LUZP2: variants seen among roughly 807,000 people sequenced by gnomAD.
The protein encoded by LUZP2 is leucine zipper protein 2.
Under a neutral mutation model 51.6 loss-of-function variants are expected in LUZP2, and 52 were observed. The ratio of observed to expected loss-of-function variants is 1.01; its 90% CI spans 0.81 to 1.27. The LOEUF is 1.27. Among genes scored for constraint, LUZP2 ranks in the 50% most tolerant of loss-of-function variants. The pLI, the probability that LUZP2 is intolerant of heterozygous loss-of-function variation, is 0.00. For synonymous variants in LUZP2, 154 were observed against 137.3 expected (o/e 1.12, Z -0.85); for missense variants, 436 against 395.4 (o/e 1.10, Z -0.87).
intron 1 of LUZP2, among the ~76,000 whole-genome samples, chr11:24,501,042 A>C (rs991408464): frequency 2.0e-5 from 3 of 152,180 alleles, no homozygotes; most frequent in African/African-American, 7.2e-5. Context: ...GTCTCACCTT[A>C]ACTCTCCTGA....
intron 5 of LUZP2, among the ~76,000 whole-genome samples, chr11:24,811,836 A>G (rs1031699544): frequency 5.3e-5 from 8 of 152,186 alleles, no homozygotes; most frequent in African/African-American, 1.9e-4. Context: ...GTAAGTATAG[A>G]TAAAACAGAG....
At chr11:24,969,375 A>G (rs1002740862) in intron 7 of LUZP2, among the ~76,000 whole-genome samples, 14 of 152,186 alleles carry the variant, frequency 9.2e-5, no homozygotes, top group African/African-American at 3.1e-4. Context: ...TCTTCACATT[A>G]ACTGAAAATG....
chr11:24,955,205 T>C (rs879529212), intron 7 of LUZP2, among the ~76,000 whole-genome samples: 1 of 151,490 alleles, frequency 6.6e-6, no homozygotes, highest in Non-Finnish European at 1.5e-5. Flanking sequence ...TAGTGAGGAA[T>C]AAAAAAAAAT....
chr11:24,948,824 CATCTATCTATCT>C (rs67058181), intron 7 of LUZP2, among the ~76,000 whole-genome samples: 2,941 of 122,622 alleles, frequency 0.024, 30 homozygotes, highest in Admixed American at 0.033. Context: ...ATCTATCTAT[CATCTATCTATCT>C]ATCTATCTAT....
At chr11:24,957,551 C>T (rs959733579) in intron 7 of LUZP2, among the ~76,000 whole-genome samples, 5 of 152,042 alleles carry the variant, frequency 3.3e-5, no homozygotes, top group African/African-American at 7.2e-5. Context: ...CAACTCTCTG[C>T]TTTGAGTTTG....
Position 24,763,299 on chromosome 11 carries a change from C to G in LUZP2, c.387C>G (p.Leu129=), listed in dbSNP as rs745932863. 7.3e-7 allele frequency: 1 copy of G among 1,372,636 alleles called. No individual in the cohort carries two copies. Among genetic ancestry groups the G allele is most frequent in the East Asian group, 2.7e-5 (1 of 37,394 alleles). 85.0% of individuals were successfully genotyped at this position (1,372,636 alleles called of 1,614,324 possible). A position where few individuals can be genotyped will look rare whatever the true frequency, so the allele number is the denominator to read the frequency against. Residue 129 remains leucine (L), a synonymous_variant, in exon 5 of 12, where the codon CTC becomes CTG. Coordinates refer to ENST00000336930, the MANE Select transcript of LUZP2 (RefSeq NM_001009909.4). Reference sequence around the variant, plus strand: ...GAAAGAGCAAAATGATCCGAGACCTCCAGAATGAGGTAAGATATATTTCAT... The same window carrying G: ...GAAAGAGCAAAATGATCCGAGACCTGCAGAATGAGGTAAGATATATTTCAT... ...VERKSKMIRD[L]QNENKSLKNK...
chr11:24,729,195 A>G lies in LUZP2; in HGVS notation c.89A>G (p.Gln30Arg), dbSNP rs1184931386. ...TRQDYEELEKQLKEVFKERST... is the reference protein window; with the variant it reads ...TRQDYEELEKRLKEVFKERST... ...CAGGACTATGAAGAGCTAGAAAAGC[A>G]GCTGAAAGAAGTCTTTAAGGAGCGA... The change falls in exon 2 of 12, where the codon CAG (glutamine) becomes CGG (arginine). Residue 30 changes from glutamine to arginine, a missense_variant. Coordinates refer to ENST00000336930, the MANE Select transcript of LUZP2 (RefSeq NM_001009909.4). The G allele has an allele frequency of 3.2e-6, 5 of 1,573,558 alleles. No individual in the cohort carries two copies. Among genetic ancestry groups the G allele is most frequent in the Admixed American group, 1.7e-5 (1 of 58,042 alleles).
chr11:24,518,534 A>G (rs1850548171), intron 1 of LUZP2, among the ~76,000 whole-genome samples: 1 of 152,216 alleles, frequency 6.6e-6, no homozygotes, highest in African/African-American at 2.4e-5. Context: ...AAATTATTAA[A>G]GAGTATAGTT....
chr11:24,636,797 GA>G (rs1372458039), intron 1 of LUZP2, among the ~76,000 whole-genome samples: 1 of 151,714 alleles, frequency 6.6e-6, no homozygotes, highest in Non-Finnish European at 1.5e-5. Flanking sequence ...AGAGACATAA[GA>G]AAATATAGAA....
At chr11:25,061,291 TG>T (rs1290967612) in intron 10 of LUZP2, among the ~76,000 whole-genome samples, 1 of 152,196 alleles carries the variant, frequency 6.6e-6, no homozygotes, top group Non-Finnish European at 1.5e-5. Context: ...TACATACTTT[TG>T]TTGTTACCGT....
chr11:24,989,453 TG>T (rs1856273686), intron 9 of LUZP2, among the ~76,000 whole-genome samples: 1 of 152,092 alleles, frequency 6.6e-6, no homozygotes, highest in Non-Finnish European at 1.5e-5. Flanking sequence ...TTATTTATTT[TG>T]TTTAATAGCT....
chr11:24,806,151 G>T (rs553313961), intron 5 of LUZP2, among the ~76,000 whole-genome samples: 9 of 152,142 alleles, frequency 5.9e-5, no homozygotes, highest in Non-Finnish European at 1.2e-4. Flanking sequence ...AAAAAGCCAG[G>T]TTACACTGCA....
At chr11:25,073,619 G>T (rs2134058432) in intron 10 of LUZP2, among the ~76,000 whole-genome samples, 1 of 151,232 alleles carries the variant, frequency 6.6e-6, no homozygotes, top group East Asian at 1.9e-4. Context: ...TAGCTTTATT[G>T]TTAAAAAAGG....
In LUZP2 at chr11:25,000,862, A is replaced by C. The variant is rs188879037; in HGVS notation, c.765+17569A>C. 4.5e-3 allele frequency among the ~76,000 whole-genome samples: 681 copies of C among 152,168 alleles called. 4 individuals carry two copies. The highest frequency in any genetic ancestry group is 0.015 in the African/African-American group (636 of 41,534). On this transcript the variant is annotated intron_variant, in intron 9 of 11. Coordinates refer to ENST00000336930, the MANE Select transcript of LUZP2 (RefSeq NM_001009909.4). ...GAGTCTATTTGGGATTGTAGTTACT[A>C]TCCTTACTGAATAGATTTTGTTATT...
At chr11:24,918,247 G>C (rs1396115514) in intron 7 of LUZP2, among the ~76,000 whole-genome samples, 3 of 151,980 alleles carry the variant, frequency 2.0e-5, no homozygotes, top group Non-Finnish European at 4.4e-5. Context: ...TGAGACGATG[G>C]GGTTTTCTAG....
At chr11:24,552,028 T>C (rs1013186884) in intron 1 of LUZP2, among the ~76,000 whole-genome samples, 2 of 151,962 alleles carry the variant, frequency 1.3e-5, no homozygotes, top group East Asian at 3.9e-4. Context: ...GTAATTCTTA[T>C]ATAAGCCCCT....
At chr11:24,804,602 T>G (rs1849798933) in intron 5 of LUZP2, among the ~76,000 whole-genome samples, 1 of 152,160 alleles carries the variant, frequency 6.6e-6, no homozygotes, top group Non-Finnish European at 1.5e-5. Context: ...AGATTCATCT[T>G]AGCATCTCTC....
At chr11:24,932,412 C>A (rs1024414885) in intron 7 of LUZP2, among the ~76,000 whole-genome samples, 1 of 152,074 alleles carries the variant, frequency 6.6e-6, no homozygotes. Flanking sequence ...TAGAGAAAGA[C>A]CTTCAGGTCG....
At chr11:24,968,265 T>C (rs1035452115) in intron 7 of LUZP2, among the ~76,000 whole-genome samples, 2 of 152,200 alleles carry the variant, frequency 1.3e-5, no homozygotes, top group Non-Finnish European at 2.9e-5. Flanking sequence ...GTAAATATTT[T>C]AGTCTGAGCA....
Sources: gnomAD v4.1 joint callset for allele counts (sites outside exome capture counted in the v4.1 genomes callset) on GRCh38, gnomAD v4.1.1 for gene constraint, MANE v1.5 for transcripts, NCBI Gene and HGNC (gene_info 2026-07-23, HGNC 2026-07-21) for gene names.